ADD1: variants seen among roughly 807,000 people sequenced by gnomAD.
The protein encoded by ADD1 is alpha-adducin.
In ADD1, 24 loss-of-function variants were observed where a neutral mutation model predicts 80.5. That is an observed-to-expected ratio of 0.30 (90% confidence interval 0.22 to 0.42). The LOEUF is 0.42. ADD1 is among the 10% of genes least tolerant of loss of function. The probability of loss-of-function intolerance (pLI) is 1.00; values close to 1 mark genes in which losing one functional copy is unlikely to be tolerated. For synonymous variants in ADD1, 373 were observed against 393.8 expected (o/e 0.95, Z 0.63); for missense variants, 948 against 1,019.0 (o/e 0.93, Z 0.95).
chr4:2,916,946 T>G (rs1739182228), intron 14 of ADD1, among the ~76,000 whole-genome samples: 1 of 152,260 alleles, frequency 6.6e-6, no homozygotes, highest in South Asian at 2.1e-4. Context: ...TGCTGGGCAT[T>G]TGAGTTGTTT....
intron 13 of ADD1, among the ~76,000 whole-genome samples, chr4:2,910,583 C>T (rs2109096345): frequency 6.6e-6 from 1 of 151,986 alleles, no homozygotes; most frequent in South Asian, 2.1e-4. Context: ...CTGTGCAGGC[C>T]ATGAGCCCAG....
At chr4:2,873,413 C>T (rs4690001) in intron 1 of ADD1, among the ~76,000 whole-genome samples, 32,912 of 152,152 alleles carry the variant, frequency 0.22, 3,788 homozygotes, top group East Asian at 0.48. Context: ...ATCTTGATTA[C>T]TGGGCTCAGA....
At chr4:2,905,969 GA>G (rs1252437324) in intron 10 of ADD1, among the ~76,000 whole-genome samples, 2 of 152,130 alleles carry the variant, frequency 1.3e-5, no homozygotes, top group African/African-American at 2.4e-5. Context: ...GAAGCCCCTG[GA>G]ATGGAGGAGA....
chr4:2,924,773 TTGTC>T (rs1740691128), intron 14 of ADD1, among the ~76,000 whole-genome samples: 1 of 152,146 alleles, frequency 6.6e-6, no homozygotes, highest in Non-Finnish European at 1.5e-5. Context: ...CAGTGAAGCT[TTGTC>T]TGAGCCATTG....
chr4:2,899,718 G>A (rs573814181), intron 9 of ADD1: 1 of 446,610 alleles, frequency 2.2e-6, no homozygotes, highest in South Asian at 2.1e-5. Context: ...ATGACCAGCT[G>A]TGTCAGCTCA....
Position 2,915,032 on chromosome 4 carries a change from G to A in ADD1, c.1940G>A (p.Gly647Asp). The change falls in exon 14 of 16, where the codon GGC becomes GAC. Residue 647 changes from glycine (G) to aspartate (D), a missense_variant. Physicochemically the swap from Gly to Asp is moderately conservative, Grantham distance 94 (BLOSUM62 -1). Coordinates refer to ENST00000683351, the MANE Select transcript of ADD1 (RefSeq NM_001354761.2). ...YRREVERKQKGSEENLDEARE... is the reference protein window; with the variant it reads ...YRREVERKQKDSEENLDEARE... ...AGGGAGGTGGAGAGGAAGCAGAAGGGCTCTGAAGGTGAGTGCTTGTGGTCC... is the reference window on the plus strand; with the variant it reads ...AGGGAGGTGGAGAGGAAGCAGAAGGACTCTGAAGGTGAGTGCTTGTGGTCC... 1 of 1,612,296 alleles carries A rather than the reference G, an allele frequency of 6.2e-7. No individual in the cohort carries two copies. The highest frequency in any genetic ancestry group is 1.1e-5 in the South Asian group (1 of 90,802).
At chr4:2,845,057 A>G (rs765242793) in intron 1 of ADD1, among the ~76,000 whole-genome samples, 1 of 151,024 alleles carries the variant, frequency 6.6e-6, no homozygotes, top group Non-Finnish European at 1.5e-5. Flanking sequence ...GGAGCCTTGA[A>G]TGGACAAAGG....
chr4:2,903,105 C>T (rs1470041543), intron 9 of ADD1, among the ~76,000 whole-genome samples: 1 of 151,980 alleles, frequency 6.6e-6, no homozygotes, highest in African/African-American at 2.4e-5. Flanking sequence ...CAAAAAAGAG[C>T]AGTACCCAGA....
chr4:2,866,811 C>A (rs1164777290), intron 1 of ADD1, among the ~76,000 whole-genome samples: 1 of 152,192 alleles, frequency 6.6e-6, no homozygotes, highest in East Asian at 1.9e-4. Context: ...GCCAGCACAC[C>A]TGTAATCCCA....
chr4:2,881,039 A>G (rs966399774), intron 2 of ADD1, among the ~76,000 whole-genome samples: 12 of 151,916 alleles, frequency 7.9e-5, no homozygotes, highest in East Asian at 1.9e-4. Flanking sequence ...TCCTATCACT[A>G]AAAGGATTAC....
intron 6 of ADD1, 26 bp from the exon 7 acceptor site, chr4:2,898,158 C>T (rs1214535956): frequency 2.5e-6 from 4 of 1,595,214 alleles, no homozygotes; most frequent in Admixed American, 1.8e-5. Context: ...GGTTTTCCTT[C>T]TTCATGGCGA....
At chr4:2,891,361 C>T (rs1423166961) in intron 4 of ADD1, among the ~76,000 whole-genome samples, 4 of 151,832 alleles carry the variant, frequency 2.6e-5, no homozygotes, top group East Asian at 1.9e-4. Context: ...GCAGGAGAAT[C>T]GCTTGAACCC....
intron 1 of ADD1, among the ~76,000 whole-genome samples, chr4:2,858,729 G>A (rs1351211854): frequency 6.6e-6 from 1 of 152,216 alleles, no homozygotes; most frequent in Admixed American, 6.5e-5. Context: ...GCTCATGCCT[G>A]TATTTCTAGC....
chr4:2,898,104 G>T, intron 6 of ADD1, 80 bp from the exon 7 acceptor site: 1 of 1,463,468 alleles, frequency 6.8e-7, no homozygotes, highest in Middle Eastern at 2.4e-4. Flanking sequence ...TTTTATTTCT[G>T]TGAGGAAAGC....
chr4:2,906,526 G>T (rs1183075029), intron 10 of ADD1, among the ~76,000 whole-genome samples: 2 of 152,198 alleles, frequency 1.3e-5, no homozygotes, highest in South Asian at 4.1e-4. Context: ...AAACAACTAA[G>T]TCACTTTAGG....
chr4:2,862,952 T>G (rs546787750), intron 1 of ADD1, among the ~76,000 whole-genome samples: 1 of 152,326 alleles, frequency 6.6e-6, no homozygotes, highest in East Asian at 1.9e-4. Context: ...CTGCTCCAGT[T>G]GCATTTGAAA....
intron 12 of ADD1, 109 bp downstream of exon 12, chr4:2,908,713 C>T: frequency 2.2e-6 from 2 of 897,564 alleles, no homozygotes; most frequent in Middle Eastern, 2.2e-4. Context: ...GTATTCTAGG[C>T]AACCAGTTAC....
chr4:2,900,380 G>C (rs1735975137), intron 9 of ADD1: 1 of 152,262 alleles, frequency 6.6e-6, no homozygotes, highest in African/African-American at 2.4e-5. Flanking sequence ...AGACCTCTTA[G>C]ATGGGGGTCA....
intron 4 of ADD1, among the ~76,000 whole-genome samples, chr4:2,887,038 T>G (rs891833086): frequency 1.3e-5 from 2 of 152,268 alleles, no homozygotes; most frequent in Non-Finnish European, 2.9e-5. Flanking sequence ...ATTGCTTGTT[T>G]TCTCCTCCTT....
Sources: gnomAD v4.1 joint callset for allele counts (sites outside exome capture counted in the v4.1 genomes callset) on GRCh38, gnomAD v4.1.1 for gene constraint, MANE v1.5 for transcripts, NCBI Gene and HGNC (gene_info 2026-07-23, HGNC 2026-07-21) for gene names.